The following CAST variants were observed in gnomAD, a reference collection of about 807,000 sequenced individuals.
CAST encodes MIR583 host.
In CAST, 76 loss-of-function variants were observed where a neutral mutation model predicts 119.6. The ratio of observed to expected loss-of-function variants is 0.64; its 90% CI spans 0.53 to 0.77. The LOEUF is 0.77. CAST is among the 30% of genes least tolerant of loss of function. The pLI is 0.00. For synonymous variants in CAST, 319 were observed against 331.6 expected, an observed-to-expected ratio of 0.96 and a Z score of 0.41; for missense variants, 953 against 946.5, an observed-to-expected ratio of 1.01 and a Z score of -0.09.
At chr5:96,593,522 A>G (rs1747000349) in intron 1 of CAST, among the ~76,000 whole-genome samples, 1 of 152,240 alleles carries the variant, frequency 6.6e-6, no homozygotes. Context: ...TTTGTAGCTG[A>G]AGTCCAATGG....
At chr5:96,719,971 C>G (rs995456635) in intron 3 of CAST, among the ~76,000 whole-genome samples, 2 of 152,220 alleles carry the variant, frequency 1.3e-5, no homozygotes, top group Non-Finnish European at 2.9e-5. Flanking sequence ...GTTCCCTCAT[C>G]TACATTCTCA....
the CAST span, among the ~76,000 whole-genome samples, chr5:96,069,375 G>GTC: frequency 0.33 from 44,767 of 136,498 alleles, 6,876 homozygotes; most frequent in African/African-American, 0.41. Context: ...GTGTGTGTGT[G>GTC]TGTGTGTCTA....
intron 1 of CAST, among the ~76,000 whole-genome samples, chr5:96,625,082 C>T (rs1315335392): frequency 6.6e-5 from 10 of 152,132 alleles, no homozygotes; most frequent in African/African-American, 2.4e-4. Context: ...GCACTTTTGG[C>T]TCTTTGAACT....
chr5:96,469,450 G>A, the CAST span, among the ~76,000 whole-genome samples: 1 of 151,964 alleles, frequency 6.6e-6, no homozygotes, highest in Non-Finnish European at 1.5e-5. Context: ...GACTGCCAAC[G>A]TGATTTTTTT....
the CAST span, among the ~76,000 whole-genome samples, chr5:96,441,384 A>T: frequency 3.9e-5 from 6 of 151,992 alleles, no homozygotes; most frequent in East Asian, 1.2e-3. Context: ...CTTTTCCCAT[A>T]AGCCCGTTGA....
the CAST span, among the ~76,000 whole-genome samples, chr5:96,215,729 G>C: frequency 6.6e-6 from 1 of 152,076 alleles, no homozygotes; most frequent in South Asian, 2.1e-4. Flanking sequence ...TCAGCATGAA[G>C]ATGATGAGGA....
At chr5:96,114,090 T>C in the CAST span, among the ~76,000 whole-genome samples, 1 of 152,144 alleles carries the variant, frequency 6.6e-6, no homozygotes, top group South Asian at 2.1e-4. Flanking sequence ...AACAGTTTGA[T>C]CATCTTCTCT....
the CAST span, among the ~76,000 whole-genome samples, chr5:96,401,291 T>C: frequency 1.3e-5 from 2 of 151,040 alleles, no homozygotes; most frequent in Non-Finnish European, 2.9e-5. Context: ...GGGGGTAGAG[T>C]GTTAAGAAGT....
At chr5:96,548,596 C>T (rs993520083) in intron 1 of CAST, among the ~76,000 whole-genome samples, 26 of 152,006 alleles carry the variant, frequency 1.7e-4, no homozygotes, top group Non-Finnish European at 1.2e-4. Flanking sequence ...GTGTCATTGT[C>T]CTCACTGAAA....
the CAST span, among the ~76,000 whole-genome samples, chr5:96,499,179 C>T: frequency 1.1e-4 from 16 of 152,228 alleles, no homozygotes; most frequent in Admixed American, 2.6e-4. Flanking sequence ...CCTTTTTTAA[C>T]GAGTTCCCTA....
At chr5:96,324,022 C>T in the CAST span, among the ~76,000 whole-genome samples, 19 of 152,246 alleles carry the variant, frequency 1.2e-4, no homozygotes, top group African/African-American at 4.3e-4. Flanking sequence ...TGTTATAGGA[C>T]ATGAAATTCC....
chr5:96,148,937 T>C, the CAST span, among the ~76,000 whole-genome samples: 2 of 152,252 alleles, frequency 1.3e-5, no homozygotes, highest in African/African-American at 4.8e-5. Context: ...GTGGGGCATC[T>C]GAAGACACAT....
intron 1 of CAST, among the ~76,000 whole-genome samples, chr5:96,670,534 G>A (rs561755523): frequency 2.0e-5 from 3 of 151,890 alleles, no homozygotes; most frequent in South Asian, 4.2e-4. Flanking sequence ...AGTTTTGCTC[G>A]TTACTCAGGC....
intron 3 of CAST, among the ~76,000 whole-genome samples, chr5:96,719,342 G>A (rs560931261): frequency 1.2e-4 from 18 of 152,260 alleles, no homozygotes; most frequent in Admixed American, 3.3e-4. Flanking sequence ...TAAATTTTTT[G>A]TAGAGACAAG....
At chr5:96,369,059 C>G in the CAST span, among the ~76,000 whole-genome samples, 33 of 151,828 alleles carry the variant, frequency 2.2e-4, no homozygotes, top group African/African-American at 8.0e-4. Context: ...TTATTTCATC[C>G]ATGCACCCTC....
chr5:96,617,790 TAAAAAAAAA>T (rs1162873931), intron 1 of CAST, among the ~76,000 whole-genome samples: 61 of 21,974 alleles, frequency 2.8e-3, no homozygotes, highest in African/African-American at 6.3e-3. Flanking sequence ...AAATTCCATC[TAAAAAAAAA>T]AAAAAAAAAA....
the CAST span, among the ~76,000 whole-genome samples, chr5:96,100,440 C>T: frequency 1.3e-5 from 2 of 152,190 alleles, no homozygotes; most frequent in African/African-American, 4.8e-5. Flanking sequence ...CACTGACTTA[C>T]TGCCTGGTTC....
At chr5:95,968,560 CG>C in the CAST span, among the ~76,000 whole-genome samples, 2 of 152,152 alleles carry the variant, frequency 1.3e-5, no homozygotes, top group East Asian at 3.9e-4. Context: ...TCACTCTTCC[CG>C]CGGGACTGTA....
At chr5:96,436,245 A>G in the CAST span, among the ~76,000 whole-genome samples, 1 of 152,350 alleles carries the variant, frequency 6.6e-6, no homozygotes, top group South Asian at 2.1e-4. Flanking sequence ...GTTTTCCAAC[A>G]TAGAAAATAA....
Sources: gnomAD v4.1 joint callset for allele counts (sites outside exome capture counted in the v4.1 genomes callset) on GRCh38, gnomAD v4.1.1 for gene constraint, MANE v1.5 for transcripts, NCBI Gene and HGNC (gene_info 2026-07-23, HGNC 2026-07-21) for gene names.